NTM: variants seen among roughly 807,000 people sequenced by gnomAD.
NTM encodes neurotrimin.
NTM carries 13 observed loss-of-function variants against 42.1 expected under a neutral mutation model. That is an observed-to-expected ratio of 0.31 (90% CI 0.20 to 0.49). The LOEUF is 0.49. NTM is among the 20% of genes least tolerant of loss of function. The pLI, the probability that NTM is intolerant of heterozygous loss-of-function variation, is 0.99. For synonymous variants in NTM, 187 were observed against 179.2 expected, an observed-to-expected ratio of 1.04 and a Z score of -0.35; for missense variants, 373 against 452.8, an observed-to-expected ratio of 0.82 and a Z score of 1.60.
intron 2 of NTM, among the ~76,000 whole-genome samples, chr11:131,979,424 G>A (rs772552719): frequency 2.3e-4 from 35 of 152,160 alleles, no homozygotes; most frequent in Non-Finnish European, 4.3e-4. Flanking sequence ...GTTTACATTC[G>A]CAACATTTAG....
chr11:131,913,757 C>T (rs759966481), intron 2 of NTM, among the ~76,000 whole-genome samples: 2 of 152,156 alleles, frequency 1.3e-5, no homozygotes. Context: ...TTGACCCCAA[C>T]CCAGCCAAGT....
chr11:131,418,288 C>T (rs949715773), intron 1 of NTM, among the ~76,000 whole-genome samples: 2 of 152,220 alleles, frequency 1.3e-5, no homozygotes, highest in African/African-American at 4.8e-5. Context: ...AGAAACCAAA[C>T]GCCTTGCTGC....
chr11:131,612,025 C>T (rs572625110), intron 1 of NTM, among the ~76,000 whole-genome samples: 1 of 152,172 alleles, frequency 6.6e-6, no homozygotes, highest in Non-Finnish European at 1.5e-5. Flanking sequence ...TGGCATGTGA[C>T]TTCAGAGACC....
At chr11:131,579,118 A>G (rs1440292754) in intron 1 of NTM, among the ~76,000 whole-genome samples, 1 of 152,148 alleles carries the variant, frequency 6.6e-6, no homozygotes, top group Non-Finnish European at 1.5e-5. Context: ...TGAGATCAGG[A>G]TTGATTACAG....
chr11:131,951,421 T>C (rs952192469), intron 2 of NTM, among the ~76,000 whole-genome samples: 4 of 152,176 alleles, frequency 2.6e-5, no homozygotes, highest in Admixed American at 6.5e-5. Flanking sequence ...TGCCTTTCAC[T>C]TGACAGCCTT....
At chr11:131,442,292 T>C (rs187147062) in intron 1 of NTM, among the ~76,000 whole-genome samples, 2 of 152,270 alleles carry the variant, frequency 1.3e-5, no homozygotes, top group Admixed American at 6.5e-5. Context: ...ATTATAGCAA[T>C]TGTGTGATCC....
At chr11:131,539,161 T>C (rs1329802288) in intron 1 of NTM, 1 of 152,136 alleles carries the variant, frequency 6.6e-6, no homozygotes, top group Non-Finnish European at 1.5e-5. Flanking sequence ...AGGTTGGTCT[T>C]GCACTCCTGG....
chr11:131,685,666 A>G (rs1368283315), intron 1 of NTM, among the ~76,000 whole-genome samples: 1 of 151,784 alleles, frequency 6.6e-6, no homozygotes, highest in Non-Finnish European at 1.5e-5. Flanking sequence ...GCCACAGCAC[A>G]CTCTCTCCTT....
chr11:132,072,348 T>C (rs983349589), intron 2 of NTM, among the ~76,000 whole-genome samples: 2 of 152,038 alleles, frequency 1.3e-5, no homozygotes, highest in Non-Finnish European at 2.9e-5. Flanking sequence ...TAGGGAGGGG[T>C]AGGGGTAGAT....
chr11:132,128,636 T>C (rs2066263569), intron 2 of NTM, among the ~76,000 whole-genome samples: 1 of 151,848 alleles, frequency 6.6e-6, no homozygotes, highest in Non-Finnish European at 1.5e-5. Flanking sequence ...GATAAGGGGC[T>C]GGGCATGGTG....
At chr11:131,604,999 G>A (rs749593093) in intron 1 of NTM, among the ~76,000 whole-genome samples, 7 of 151,526 alleles carry the variant, frequency 4.6e-5, no homozygotes, top group Non-Finnish European at 7.4e-5. Flanking sequence ...GAAATGTGAG[G>A]CCTCCAACTT....
At chr11:131,767,133 C>G (rs2085248253) in intron 1 of NTM, 2 of 982,752 alleles carry the variant, frequency 2.0e-6, no homozygotes, top group Non-Finnish European at 2.4e-6. Flanking sequence ...TAAGGATCAA[C>G]AGTTCAGGCT....
rs1424632903 is a variant in NTM at position 132,070,451 on chromosome 11, A to T, written c.168-75831A>T. ...AGGTTAGTTAACACGTCACACAGCC[A>T]AGTTAACACATCACACAGCCAAGTT... On this transcript the variant is annotated intron_variant, in intron 2 of 8. Coordinates refer to ENST00000683400, the MANE Select transcript of NTM (RefSeq NM_001352005.2). Among the ~76,000 whole-genome samples the T allele has an allele frequency of 2.7e-4, 35 of 131,782 alleles. 5 individuals carry two copies. Among genetic ancestry groups the T allele is most frequent in the Non-Finnish European group, 4.8e-4 (29 of 60,762 alleles). 86.5% of individuals were successfully genotyped at this position (131,782 alleles called of 152,430 possible). A position where few individuals can be genotyped will look rare whatever the true frequency, so the allele number is the denominator to read the frequency against.
intron 3 of NTM, among the ~76,000 whole-genome samples, chr11:132,161,321 T>C (rs2137615719): frequency 6.6e-6 from 1 of 151,528 alleles, no homozygotes. Context: ...TTCTTTGCTA[T>C]TTTCCACCTA....
intron 2 of NTM, among the ~76,000 whole-genome samples, chr11:131,939,479 G>A (rs1161600926): frequency 2.0e-5 from 3 of 152,142 alleles, no homozygotes; most frequent in Non-Finnish European, 4.4e-5. Context: ...ATTGGTGTGT[G>A]TGTGCATACG....
intron 2 of NTM, among the ~76,000 whole-genome samples, chr11:132,083,673 C>A (rs907672355): frequency 2.6e-5 from 4 of 152,192 alleles, no homozygotes; most frequent in Non-Finnish European, 5.9e-5. Flanking sequence ...ATTGGCTCTG[C>A]AAGTTGAGCT....
intron 1 of NTM, among the ~76,000 whole-genome samples, chr11:131,399,234 A>G (rs1471240368): frequency 6.6e-6 from 1 of 152,190 alleles, no homozygotes; most frequent in African/African-American, 2.4e-5. Flanking sequence ...CCATGGGTCC[A>G]TAGTTATCTC....
At chr11:131,785,393 A>C (rs1014116766) in intron 1 of NTM, among the ~76,000 whole-genome samples, 2 of 152,228 alleles carry the variant, frequency 1.3e-5, no homozygotes, top group Non-Finnish European at 2.9e-5. Context: ...GATCAGATAG[A>C]GTCTCAAAAG....
intron 1 of NTM, among the ~76,000 whole-genome samples, chr11:131,814,787 C>A (rs901415323): frequency 6.6e-6 from 1 of 152,176 alleles, no homozygotes; most frequent in African/African-American, 2.4e-5. Context: ...GCTTTTCATT[C>A]GTGTTGCTAC....
Sources: gnomAD v4.1 joint callset for allele counts (sites outside exome capture counted in the v4.1 genomes callset) on GRCh38, gnomAD v4.1.1 for gene constraint, MANE v1.5 for transcripts, NCBI Gene and HGNC (gene_info 2026-07-23, HGNC 2026-07-21) for gene names.